Variants in EGFLAM observed in about 807,000 individuals in gnomAD.
The protein encoded by EGFLAM is EGF like, fibronectin type III and laminin G domains, also known as pikachurin.
EGFLAM carries 79 observed loss-of-function variants against 113.1 expected under a neutral mutation model. The ratio of observed to expected loss-of-function variants is 0.70; its 90% CI spans 0.58 to 0.84. EGFLAM has a LOEUF of 0.84. EGFLAM is among the 40% of genes least tolerant of loss of function. The probability of loss-of-function intolerance (pLI) is 0.00; values close to 1 mark genes in which losing one functional copy is unlikely to be tolerated. For synonymous variants in EGFLAM, 504 were observed against 487.6 expected, an observed-to-expected ratio of 1.03 and a Z score of -0.44; for missense variants, 1,265 against 1,291.6, an observed-to-expected ratio of 0.98 and a Z score of 0.32.
At chr5:38,311,212 G>C (rs1264387728) in intron 1 of EGFLAM, among the ~76,000 whole-genome samples, 2 of 152,064 alleles carry the variant, frequency 1.3e-5, no homozygotes, top group Non-Finnish European at 2.9e-5. Flanking sequence ...TTTGTGGTGA[G>C]AACATTTCAA....
intron 13 of EGFLAM, 54 bp downstream of exon 13, chr5:38,425,146 A>G: frequency 6.3e-7 from 1 of 1,586,030 alleles, no homozygotes; most frequent in Non-Finnish European, 8.6e-7. Flanking sequence ...ATTTGTGTAG[A>G]TGTACTTTAT....
At chr5:38,349,974 CA>C in intron 3 of EGFLAM, among the ~76,000 whole-genome samples, 1 of 149,558 alleles carries the variant, frequency 6.7e-6, no homozygotes, top group Non-Finnish European at 1.5e-5. Flanking sequence ...CACACACACA[CA>C]CACACACACA....
At chr5:38,463,735 G>A in intron 21 of EGFLAM, 97 bp from the exon 22 acceptor site, 1 of 1,481,056 alleles carries the variant, frequency 6.8e-7, no homozygotes, top group Non-Finnish European at 9.3e-7. Context: ...GGATGCCTTG[G>A]CCAGCAGCCA....
chr5:38,352,460 A>G (rs1018767264), intron 5 of EGFLAM, 129 bp downstream of exon 5: 91 of 1,180,412 alleles, frequency 7.7e-5, no homozygotes, highest in Non-Finnish European at 1.1e-4. Context: ...CAGCCTGACC[A>G]ACATGGTGAA....
intron 5 of EGFLAM, among the ~76,000 whole-genome samples, chr5:38,361,640 C>T (rs912959536): frequency 2.6e-5 from 4 of 152,096 alleles, no homozygotes; most frequent in Non-Finnish European, 4.4e-5. Flanking sequence ...AAAATCACCT[C>T]ATAGTGTGTG....
intron 6 of EGFLAM, among the ~76,000 whole-genome samples, chr5:38,395,351 C>T (rs1299107558): frequency 6.7e-6 from 1 of 149,926 alleles, no homozygotes; most frequent in Non-Finnish European, 1.5e-5. Flanking sequence ...TAATGGGATT[C>T]TCCTGCCTCA....
intron 11 of EGFLAM, among the ~76,000 whole-genome samples, chr5:38,415,533 G>T (rs1317615767): frequency 1.3e-5 from 2 of 152,126 alleles, no homozygotes. Context: ...AATTAGCCAG[G>T]TGTGGTGGCA....
intron 6 of EGFLAM, among the ~76,000 whole-genome samples, chr5:38,391,410 G>GTGTGTGTGTGTGTGTGTT (rs1554010817): frequency 1.2e-3 from 178 of 151,152 alleles, no homozygotes; most frequent in African/African-American, 4.1e-3. Context: ...GTGTGTGTGT[G>GTGTGTGTGTGTGTGTGTT]TGTGTGTGAT....
intron 12 of EGFLAM, among the ~76,000 whole-genome samples, chr5:38,421,284 T>C (rs1741812941): frequency 6.6e-6 from 1 of 152,228 alleles, no homozygotes; most frequent in Non-Finnish European, 1.5e-5. Context: ...TCTAGAATAG[T>C]TGGTCAGAAA....
intron 1 of EGFLAM, among the ~76,000 whole-genome samples, chr5:38,272,576 G>A (rs1479001789): frequency 6.6e-6 from 1 of 152,174 alleles, no homozygotes; most frequent in African/African-American, 2.4e-5. Context: ...TGCTTATGAA[G>A]ATCAATTCTG....
chr5:38,463,162 T>C (rs1009544064), intron 21 of EGFLAM, 151 bp downstream of exon 21: 1 of 741,904 alleles, frequency 1.3e-6, no homozygotes, highest in Non-Finnish European at 2.1e-6. Flanking sequence ...TTTTCTGAAC[T>C]GCTGACTCAT....
chr5:38,367,273 T>C (rs956227947), intron 5 of EGFLAM, among the ~76,000 whole-genome samples: 3 of 151,646 alleles, frequency 2.0e-5, no homozygotes, highest in African/African-American at 7.3e-5. Flanking sequence ...CAGACTTTTT[T>C]TTTTTTTTTT....
chr5:38,413,292 G>T (rs1015546980), intron 11 of EGFLAM, among the ~76,000 whole-genome samples: 1 of 145,050 alleles, frequency 6.9e-6, no homozygotes, highest in East Asian at 2.0e-4. Flanking sequence ...GCCTCCCAAA[G>T]TGCTGGGGTT....
chr5:38,349,199 T>A (rs1046546282), intron 3 of EGFLAM, among the ~76,000 whole-genome samples: 6 of 152,166 alleles, frequency 3.9e-5, no homozygotes, highest in Admixed American at 3.9e-4. Flanking sequence ...TATAATCCCA[T>A]AAGAGAAATA....
chr5:38,413,709 G>C (rs537061467), intron 11 of EGFLAM, among the ~76,000 whole-genome samples: 1 of 152,284 alleles, frequency 6.6e-6, no homozygotes, highest in East Asian at 1.9e-4. Context: ...CTTCCTCCCT[G>C]CCTGGGCTCC....
In EGFLAM at chr5:38,456,421, C is replaced by T. The variant is rs930046209; in HGVS notation, c.2688-1890C>T. Among the ~76,000 whole-genome samples the T allele has an allele frequency of 3.3e-5, 5 of 152,134 alleles. No homozygotes were observed. In the South Asian group the frequency reaches 6.2e-4, roughly 19 times the overall value. ...TAAGTTTCTGCCCACCAGCAACTCG[C>T]CCTACTTCCTATTCATTCAAGAAGT... On this transcript the variant is annotated intron_variant, in intron 19 of 21. Coordinates refer to ENST00000322350, the MANE Select transcript of EGFLAM (RefSeq NM_152403.4).
At chr5:38,295,876 C>G (rs1032171314) in intron 1 of EGFLAM, among the ~76,000 whole-genome samples, 1 of 152,152 alleles carries the variant, frequency 6.6e-6, no homozygotes, top group African/African-American at 2.4e-5. Context: ...GTAAGTAGTA[C>G]AATTTGCAAT....
At chr5:38,373,866 G>A (rs556174796) in intron 6 of EGFLAM, among the ~76,000 whole-genome samples, 2 of 152,238 alleles carry the variant, frequency 1.3e-5, no homozygotes, top group Admixed American at 6.5e-5. Context: ...GTACTAATTT[G>A]CATTCCCATG....
Position 38,337,565 on chromosome 5 carries a change from G to A in EGFLAM, c.143G>A (p.Cys48Tyr), listed in dbSNP as rs775374937. The A allele has an allele frequency of 3.7e-6, 6 of 1,607,096 alleles. No individual in the cohort carries two copies. Among genetic ancestry groups the A allele is most frequent in the South Asian group, 3.3e-5 (3 of 89,584 alleles). The change falls in exon 2 of 22, where the codon TGT (cysteine) becomes TAT (tyrosine). Residue 48 changes from cysteine (C) to tyrosine (Y), a missense_variant. Coordinates refer to ENST00000322350, the MANE Select transcript of EGFLAM (RefSeq NM_152403.4). ...GACATCAAGCTGGGCGCATTGAACT[G>A]TACGGCTTTCAGCATCCAGTGGAAA... ...PLDIKLGALN[C>Y]TAFSIQWKMP... is the part of the protein sequence containing the mutation.
Sources: allele counts gnomAD v4.1 joint callset (sites outside exome capture counted in the v4.1 genomes callset), GRCh38; gene constraint gnomAD v4.1.1; transcripts MANE v1.5; gene names NCBI Gene and HGNC (gene_info 2026-07-23, HGNC 2026-07-21).